DGKB: variants seen among roughly 807,000 people sequenced by gnomAD.
DGKB encodes diacylglycerol kinase beta, also known as 90 kDa diacylglycerol kinase.
In DGKB, 67 loss-of-function variants were observed where a neutral mutation model predicts 114.3. The ratio of observed to expected loss-of-function variants is 0.59; its 90% CI spans 0.48 to 0.72. The LOEUF is 0.72. Among genes scored for constraint, DGKB ranks in the 30% least tolerant of loss-of-function variants. The pLI, the probability that DGKB is intolerant of heterozygous loss-of-function variation, is 0.00. For synonymous variants in DGKB, 398 were observed against 323.1 expected (o/e 1.23, Z -2.49); for missense variants, 907 against 975.2 (o/e 0.93, Z 0.93).
In DGKB at chr7:14,230,255, A is replaced by T. The variant is rs558864432; in HGVS notation, c.2123-52104T>A. The stretch of plus-strand genomic sequence containing the variant: ...TACACACAATTCAAATTTATTCCAT[A>T]TGATTTCTCTTTCTAGAAAATGTGA... On this transcript the variant is annotated intron_variant, in intron 23 of 25. Transcript: ENST00000402815. 1.1e-4 allele frequency among the ~76,000 whole-genome samples: 16 copies of T among 152,162 alleles called. No individual in the cohort carries two copies. In the South Asian group the frequency reaches 3.3e-3, roughly 32 times the overall value.
chr7:14,488,514 G>A (rs369948525), intron 20 of DGKB, among the ~76,000 whole-genome samples: 124 of 151,936 alleles, frequency 8.2e-4, no homozygotes, highest in African/African-American at 2.7e-3. Flanking sequence ...CTCTCAAGGC[G>A]TTTATTTTAA....
At chr7:14,319,031 G>T (rs941211296) in intron 23 of DGKB, among the ~76,000 whole-genome samples, 4 of 150,900 alleles carry the variant, frequency 2.7e-5, no homozygotes, top group Non-Finnish European at 5.9e-5. Context: ...GTAAACTGTC[G>T]CAAGAACAAA....
intron 14 of DGKB, among the ~76,000 whole-genome samples, chr7:14,625,076 G>A (rs189553933): frequency 6.6e-6 from 1 of 152,110 alleles, no homozygotes; most frequent in East Asian, 1.9e-4. Flanking sequence ...TTTCATTTAT[G>A]AAATCCAGAA....
intron 9 of DGKB, among the ~76,000 whole-genome samples, chr7:14,690,903 G>C (rs1167906471): frequency 6.6e-6 from 1 of 152,184 alleles, no homozygotes; most frequent in African/African-American, 2.4e-5. Context: ...GAATCACAAA[G>C]CCATCCAAAT....
chr7:14,397,738 T>C lies in DGKB; in HGVS notation c.1836-52347A>G, dbSNP rs536605426. 2.0e-5 allele frequency among the ~76,000 whole-genome samples: 3 copies of C among 152,038 alleles called. No individual in the cohort carries two copies. In the East Asian group the frequency reaches 5.8e-4, roughly 29 times the overall value. On this transcript the variant is annotated intron_variant, in intron 21 of 25. Transcript: ENST00000402815. ...ACGTTTTGTTTCATGTTGCTTCTCT[T>C]GTACTTCTTAGCTTTCATGCAAAAA...
At chr7:14,572,496 A>G (rs934932592) in intron 20 of DGKB, among the ~76,000 whole-genome samples, 1 of 151,986 alleles carries the variant, frequency 6.6e-6, no homozygotes, top group Non-Finnish European at 1.5e-5. Flanking sequence ...GTATAGTAAC[A>G]ATGACTCTCC....
intron 13 of DGKB, among the ~76,000 whole-genome samples, chr7:14,634,948 C>A (rs898426043): frequency 1.3e-5 from 2 of 151,072 alleles, no homozygotes; most frequent in African/African-American, 2.4e-5. Flanking sequence ...TTATTAAAAC[C>A]TTTAGTAAGA....
chr7:14,219,161 C>T (rs532451496), intron 23 of DGKB, among the ~76,000 whole-genome samples: 1 of 151,828 alleles, frequency 6.6e-6, no homozygotes, highest in African/African-American at 2.4e-5. Context: ...TTTCTTTATC[C>T]ATTCATCCCC....
intron 8 of DGKB, 72 bp downstream of exon 8, chr7:14,698,023 G>A: frequency 1.3e-6 from 1 of 798,436 alleles, no homozygotes; most frequent in Non-Finnish European, 2.1e-6. Context: ...GAAAGAGAAA[G>A]AAAGAAAGAA....
intron 2 of DGKB, among the ~76,000 whole-genome samples, chr7:14,770,347 A>G (rs768112364): frequency 3.2e-4 from 48 of 152,140 alleles, no homozygotes; most frequent in Admixed American, 2.1e-3. Context: ...TGTCTCCACT[A>G]GGCCAGGAAG....
At chr7:14,852,758 G>A (rs1190267289) in intron 1 of DGKB, among the ~76,000 whole-genome samples, 1 of 152,032 alleles carries the variant, frequency 6.6e-6, no homozygotes, top group East Asian at 1.9e-4. Flanking sequence ...TATCTGACCT[G>A]GGGCTTTTTC....
chr7:14,615,963 G>A (rs1402400847), intron 15 of DGKB, among the ~76,000 whole-genome samples: 1 of 151,242 alleles, frequency 6.6e-6, no homozygotes, highest in African/African-American at 2.4e-5. Context: ...CAGTATATCT[G>A]ATTTTGGTGA....
chr7:14,513,106 G>A (rs944549612), intron 20 of DGKB, among the ~76,000 whole-genome samples: 3 of 151,964 alleles, frequency 2.0e-5, no homozygotes, highest in African/African-American at 7.2e-5. Context: ...AAGGAGATGA[G>A]GTTTTCATTC....
chr7:14,839,850 T>C (rs990456976), intron 2 of DGKB, among the ~76,000 whole-genome samples: 1 of 152,082 alleles, frequency 6.6e-6, no homozygotes, highest in Non-Finnish European at 1.5e-5. Context: ...TTAAAATGCC[T>C]ATGAAATTAT....
At chr7:14,508,953 T>C (rs1563356502) in intron 20 of DGKB, among the ~76,000 whole-genome samples, 1 of 152,196 alleles carries the variant, frequency 6.6e-6, no homozygotes, top group Admixed American at 6.5e-5. Flanking sequence ...AACAATGTCA[T>C]ATAAATTTAG....
chr7:14,304,087 A>ACACACACACACACACACACACACACTCT (rs140836395), intron 23 of DGKB, among the ~76,000 whole-genome samples: 3 of 110,072 alleles, frequency 2.7e-5, no homozygotes, highest in African/African-American at 1.1e-4. Context: ...ACACACACAC[A>ACACACACACACACACACACACACACTCT]CTCTCTCTCT....
chr7:14,661,372 A>G (rs1172900341), intron 13 of DGKB, among the ~76,000 whole-genome samples: 1 of 144,540 alleles, frequency 6.9e-6, no homozygotes, highest in African/African-American at 2.5e-5. Flanking sequence ...AAAACAAACA[A>G]CCCCATCAAA....
intron 23 of DGKB, among the ~76,000 whole-genome samples, chr7:14,328,195 G>A (rs147957498): frequency 6.6e-6 from 1 of 152,026 alleles, no homozygotes; most frequent in South Asian, 2.1e-4. Context: ...AGCTTTTTGG[G>A]TTAAGAAGCA....
chr7:14,613,797 C>T (rs1331383409), intron 15 of DGKB, among the ~76,000 whole-genome samples: 1 of 151,992 alleles, frequency 6.6e-6, no homozygotes. Flanking sequence ...AGAAAGAGAT[C>T]AACTTATAGA....
Sources: gnomAD v4.1 joint callset for allele counts (sites outside exome capture counted in the v4.1 genomes callset) on GRCh38, gnomAD v4.1.1 for gene constraint, MANE v1.5 for transcripts, NCBI Gene and HGNC (gene_info 2026-07-23, HGNC 2026-07-21) for gene names.